Variants in PPM1H observed in about 807,000 individuals in gnomAD.
PPM1H encodes protein phosphatase 1H.
In PPM1H, 27 loss-of-function variants were observed where a neutral mutation model predicts 54.9. That is an observed-to-expected ratio of 0.49 (90% CI 0.36 to 0.68). The LOEUF is 0.68. Ranked by LOEUF, PPM1H falls within the 30% of genes least tolerant of loss-of-function variation. The probability of loss-of-function intolerance (pLI) is 0.00; values close to 1 mark genes in which losing one functional copy is unlikely to be tolerated. For synonymous variants in PPM1H, 305 were observed against 270.8 expected (o/e 1.13, Z -1.24); for missense variants, 596 against 667.8 (o/e 0.89, Z 1.19).
In PPM1H at chr12:62,908,428, AAG is replaced by A. The variant is rs1555205222; in HGVS notation, c.245+26062_245+26063del. On this transcript the variant is annotated intron_variant, in intron 1 of 9. Transcript: ENST00000228705. ...GTCTCAAAAAAAAAAAAAAAAAAGA[AAG>A]AAAGAAAGAAATTGAGTTTTGCTCA... Among the ~76,000 whole-genome samples, 36 of 151,484 alleles carry A rather than the reference AAG, an allele frequency of 2.4e-4. No individual in the cohort carries two copies. In the South Asian group the frequency reaches 4.4e-3, roughly 18 times the overall value.
At chr12:62,908,048 G>A (rs1026442327) in intron 1 of PPM1H, among the ~76,000 whole-genome samples, 1 of 152,166 alleles carries the variant, frequency 6.6e-6, no homozygotes, top group East Asian at 1.9e-4. Context: ...AAGTATTGAC[G>A]ATGAGTACAG....
intron 1 of PPM1H, among the ~76,000 whole-genome samples, chr12:62,919,689 A>G (rs1291808255): frequency 6.6e-6 from 1 of 152,164 alleles, no homozygotes; most frequent in African/African-American, 2.4e-5. Flanking sequence ...AGGGCTCATG[A>G]TGTTGAGAAG....
chr12:62,715,824 T>C (rs1318513396), intron 6 of PPM1H, among the ~76,000 whole-genome samples: 1 of 152,140 alleles, frequency 6.6e-6, no homozygotes, highest in Non-Finnish European at 1.5e-5. Flanking sequence ...TCAGTTTAAT[T>C]TGAGCAATGG....
intron 1 of PPM1H, among the ~76,000 whole-genome samples, chr12:62,852,824 A>C (rs1252192231): frequency 1.3e-5 from 2 of 152,254 alleles, no homozygotes; most frequent in Non-Finnish European, 2.9e-5. Context: ...CCGGCACTGC[A>C]TGAGTGGGAT....
intron 1 of PPM1H, among the ~76,000 whole-genome samples, chr12:62,900,702 C>G (rs1320073281): frequency 6.6e-6 from 1 of 151,872 alleles, no homozygotes; most frequent in Admixed American, 6.6e-5. Flanking sequence ...CTTATACCAT[C>G]TAACCTAATC....
intron 9 of PPM1H, among the ~76,000 whole-genome samples, chr12:62,665,382 A>T (rs1312314876): frequency 6.6e-6 from 1 of 152,100 alleles, no homozygotes; most frequent in Non-Finnish European, 1.5e-5. Flanking sequence ...TTCTCCTTCC[A>T]GAGATTTGTC....
intron 5 of PPM1H, chr12:62,720,538 A>AG (rs1311669008): frequency 2.4e-5 from 11 of 450,394 alleles, no homozygotes; most frequent in Non-Finnish European, 4.4e-5. Flanking sequence ...GCATAGCTGA[A>AG]GGGATCAGGA....
intron 2 of PPM1H, among the ~76,000 whole-genome samples, chr12:62,815,449 G>A (rs900457519): frequency 2.0e-5 from 3 of 152,020 alleles, no homozygotes; most frequent in Non-Finnish European, 4.4e-5. Context: ...AGTTTATAAC[G>A]GTTTTTGCTA....
intron 5 of PPM1H, among the ~76,000 whole-genome samples, chr12:62,727,063 C>T (rs989542307): frequency 4.6e-5 from 7 of 151,944 alleles, no homozygotes; most frequent in South Asian, 2.1e-4. Flanking sequence ...TACAGGCGCC[C>T]GCTACCATGC....
intron 3 of PPM1H, among the ~76,000 whole-genome samples, chr12:62,793,301 TTA>T (rs2076710751): frequency 6.6e-6 from 1 of 152,082 alleles, no homozygotes; most frequent in East Asian, 1.9e-4. Context: ...CAGGACTGAG[TTA>T]TCTTCTGTTG....
chr12:62,819,819 C>T (rs1380738755), intron 2 of PPM1H, among the ~76,000 whole-genome samples: 1 of 152,176 alleles, frequency 6.6e-6, no homozygotes, highest in Non-Finnish European at 1.5e-5. Context: ...CCAAGATGGC[C>T]GAATGGAAAC....
intron 1 of PPM1H, among the ~76,000 whole-genome samples, chr12:62,897,961 C>T (rs1314645519): frequency 6.6e-6 from 1 of 152,070 alleles, no homozygotes; most frequent in African/African-American, 2.4e-5. Flanking sequence ...CAGCCTATCA[C>T]CAGCAGGAAG....
At chr12:62,728,328 C>T (rs953921625) in intron 5 of PPM1H, among the ~76,000 whole-genome samples, 2 of 152,182 alleles carry the variant, frequency 1.3e-5, no homozygotes, top group African/African-American at 4.8e-5. Flanking sequence ...AACAAGGACA[C>T]CTCTCAGGAA....
intron 1 of PPM1H, among the ~76,000 whole-genome samples, chr12:62,908,029 A>G (rs1871350943): frequency 6.6e-6 from 1 of 152,250 alleles, no homozygotes; most frequent in Non-Finnish European, 1.5e-5. Context: ...TGTAGTACAC[A>G]AGATTAAAAA....
At chr12:62,794,627 G>A (rs986481791) in intron 3 of PPM1H, among the ~76,000 whole-genome samples, 6 of 152,128 alleles carry the variant, frequency 3.9e-5, no homozygotes, top group Admixed American at 2.6e-4. Context: ...AGGTTAAAAC[G>A]GTAATCACTG....
chr12:62,651,911 G>C (rs182751117), intron 9 of PPM1H, among the ~76,000 whole-genome samples: 4 of 151,926 alleles, frequency 2.6e-5, no homozygotes, highest in Admixed American at 2.6e-4. Context: ...TTTCTTTCTG[G>C]GGCTCCCATG....
intron 1 of PPM1H, among the ~76,000 whole-genome samples, chr12:62,856,856 G>A (rs1869408109): frequency 6.6e-6 from 1 of 152,016 alleles, no homozygotes; most frequent in Non-Finnish European, 1.5e-5. Context: ...TGGCTTTTTG[G>A]GTGATCACAA....
At chr12:62,749,167 T>C (rs58490000) in intron 4 of PPM1H, among the ~76,000 whole-genome samples, 2,601 of 152,338 alleles carry the variant, frequency 0.017, 83 homozygotes, top group African/African-American at 0.06. Flanking sequence ...GTAATTTCAC[T>C]GTTGTCATCA....
chr12:62,774,309 G>T (rs1486905472), intron 4 of PPM1H, among the ~76,000 whole-genome samples: 1 of 152,136 alleles, frequency 6.6e-6, no homozygotes, highest in Non-Finnish European at 1.5e-5. Flanking sequence ...CTGTCTCAAT[G>T]AGGCAGCTAA....
Sources: gnomAD v4.1 joint callset for allele counts (sites outside exome capture counted in the v4.1 genomes callset) on GRCh38, gnomAD v4.1.1 for gene constraint, MANE v1.5 for transcripts, NCBI Gene and HGNC (gene_info 2026-07-23, HGNC 2026-07-21) for gene names.